The following TAF2 variants were observed in gnomAD, a reference collection of about 807,000 sequenced individuals.
TAF2 encodes transcription initiation factor TFIID subunit 2.
In TAF2, 61 loss-of-function variants were observed where a neutral mutation model predicts 138.5. That is an observed-to-expected ratio of 0.44 (90% CI 0.36 to 0.54). TAF2 has a LOEUF of 0.54. Among genes scored for constraint, TAF2 ranks in the 20% least tolerant of loss-of-function variants. The pLI is 0.00. For synonymous variants in TAF2, 475 were observed against 469.9 expected (o/e 1.01, Z -0.14); for missense variants, 1,090 against 1,427.9 (o/e 0.76, Z 3.81).
intron 11 of TAF2, among the ~76,000 whole-genome samples, chr8:119,791,009 C>T (rs1010755666): frequency 2.0e-5 from 3 of 152,042 alleles, no homozygotes; most frequent in African/African-American, 4.8e-5. Context: ...CTATACTGCC[C>T]AGGCTGGTCT....
At chr8:119,824,359 G>A (rs562592179) in intron 2 of TAF2, among the ~76,000 whole-genome samples, 4 of 151,956 alleles carry the variant, frequency 2.6e-5, no homozygotes, top group South Asian at 2.1e-4. Context: ...AACCCAGGAG[G>A]TGGAGGTTGC....
intron 22 of TAF2, among the ~76,000 whole-genome samples, chr8:119,752,777 G>T (rs28576821): frequency 0.45 from 67,734 of 152,028 alleles, 15,556 homozygotes; most frequent in Admixed American, 0.54. Flanking sequence ...TTCTTACCTA[G>T]ATATTTTAAA....
intron 17 of TAF2, among the ~76,000 whole-genome samples, chr8:119,779,114 T>C (rs921432489): frequency 6.6e-6 from 1 of 152,128 alleles, no homozygotes; most frequent in Non-Finnish European, 1.5e-5. Context: ...TCAAGTTTCA[T>C]TTAGGCACCA....
chr8:119,790,852 A>T (rs900080594), intron 11 of TAF2, among the ~76,000 whole-genome samples: 1 of 152,110 alleles, frequency 6.6e-6, no homozygotes. Flanking sequence ...GCTGGTATGA[A>T]GTGGCACAAT....
rs1234495397 is a variant in TAF2 at position 119,744,282 on chromosome 8, T to C, written c.3214+6A>G. ...CTCCTCAATGATTGCAGAATACTAA[T>C]CTTACCTGGAGTTGACGGCCTTTCA... On this transcript the variant is annotated splice_donor_region_variant and intron_variant, in intron 24 of 25. Transcript: ENST00000378164. 2 of 1,612,406 alleles carry C rather than the reference T, an allele frequency of 1.2e-6. No homozygotes were observed. Among genetic ancestry groups the C allele is most frequent in the Non-Finnish European group, 1.7e-6 (2 of 1,178,618 alleles).
chr8:119,805,209 G>A (rs992621103), intron 4 of TAF2, among the ~76,000 whole-genome samples: 1 of 152,148 alleles, frequency 6.6e-6, no homozygotes, highest in African/African-American at 2.4e-5. Flanking sequence ...CTGAGTATCA[G>A]GAACCATGTG....
intron 17 of TAF2, among the ~76,000 whole-genome samples, 154 bp downstream of exon 17, chr8:119,780,899 C>T (rs1249388381): frequency 7.1e-6 from 1 of 139,864 alleles, no homozygotes; most frequent in Non-Finnish European, 1.5e-5. Flanking sequence ...TGCGCCACTG[C>T]ATTCCAGCCT....
intron 18 of TAF2, chr8:119,762,963 G>C (rs1358077828): frequency 5.3e-6 from 1 of 186,970 alleles, no homozygotes. Flanking sequence ...AATTCTCATA[G>C]AAGCAATTTA....
At chr8:119,771,387 G>A (rs956851250) in intron 18 of TAF2, among the ~76,000 whole-genome samples, 2 of 151,756 alleles carry the variant, frequency 1.3e-5, no homozygotes, top group South Asian at 2.1e-4. Context: ...AAGCATGTGC[G>A]ACCACACCTG....
intron 2 of TAF2, among the ~76,000 whole-genome samples, chr8:119,826,130 A>T (rs1485302174): frequency 6.6e-6 from 1 of 151,936 alleles, no homozygotes; most frequent in East Asian, 1.9e-4. Context: ...GGACTAGGGG[A>T]GGGATAACAT....
chr8:119,770,751 A>C (rs942429663), intron 18 of TAF2, among the ~76,000 whole-genome samples: 2 of 152,172 alleles, frequency 1.3e-5, no homozygotes, highest in African/African-American at 4.8e-5. Context: ...ATTAACCTTG[A>C]ACAGAAATGG....
intron 18 of TAF2, among the ~76,000 whole-genome samples, chr8:119,777,182 A>G (rs1012446583): frequency 6.6e-6 from 1 of 152,218 alleles, no homozygotes; most frequent in Non-Finnish European, 1.5e-5. Context: ...ACATTTATAT[A>G]AAGAACTTCA....
chr8:119,781,596 C>T (rs993308184), intron 16 of TAF2, among the ~76,000 whole-genome samples: 3 of 152,032 alleles, frequency 2.0e-5, no homozygotes, highest in African/African-American at 7.2e-5. Context: ...GGGAGAACTG[C>T]TTGACTCAGG....
At chr8:119,806,060 C>G (rs1357399435) in intron 4 of TAF2, among the ~76,000 whole-genome samples, 1 of 151,832 alleles carries the variant, frequency 6.6e-6, no homozygotes. Context: ...GCCCACCAAG[C>G]CTGGATAATT....
intron 3 of TAF2, among the ~76,000 whole-genome samples, chr8:119,807,675 A>T (rs1304842343): frequency 6.6e-6 from 1 of 152,238 alleles, no homozygotes; most frequent in Non-Finnish European, 1.5e-5. Flanking sequence ...CTGTAATCCC[A>T]GCACTTTGGG....
intron 2 of TAF2, among the ~76,000 whole-genome samples, chr8:119,821,525 A>G (rs1825807468): frequency 6.6e-6 from 1 of 152,234 alleles, no homozygotes; most frequent in Non-Finnish European, 1.5e-5. Context: ...AGTTTCCACG[A>G]CTACTTCTGG....
chr8:119,801,434 C>CT (rs1563900358), intron 6 of TAF2, among the ~76,000 whole-genome samples: 4 of 145,954 alleles, frequency 2.7e-5, no homozygotes, highest in African/African-American at 5.0e-5. Flanking sequence ...TTAATATCTA[C>CT]CTTTTTTTTT....
intron 23 of TAF2, chr8:119,745,133 C>T (rs950131566): frequency 2.7e-5 from 11 of 406,222 alleles, no homozygotes; most frequent in African/African-American, 4.1e-5. Context: ...CAGATTAGAG[C>T]ATGCCCAGTG....
At chr8:119,790,688 A>G (rs1041235208) in intron 11 of TAF2, among the ~76,000 whole-genome samples, 3 of 152,168 alleles carry the variant, frequency 2.0e-5, no homozygotes, top group African/African-American at 7.2e-5. Flanking sequence ...CATCTTTTTT[A>G]TTGGTTTACG....
Sources: allele counts gnomAD v4.1 joint callset (sites outside exome capture counted in the v4.1 genomes callset), GRCh38; gene constraint gnomAD v4.1.1; transcripts MANE v1.5; gene names NCBI Gene and HGNC (gene_info 2026-07-23, HGNC 2026-07-21).